The following RBX1 variants were observed in gnomAD, a reference collection of about 807,000 sequenced individuals.
RBX1 encodes E3 ubiquitin-protein ligase RBX1.
For missense variants in RBX1, 46 were observed against 141.4 expected, an observed-to-expected ratio of 0.33 and a Z score of 3.42; for synonymous variants, 48 against 47.9, an observed-to-expected ratio of 1.00 and a Z score of -0.01.
chr22:40,963,065 C>A (rs997602102), intron 2 of RBX1, among the ~76,000 whole-genome samples: 19 of 150,838 alleles, frequency 1.3e-4, no homozygotes, highest in African/African-American at 4.4e-4. Context: ...TAGTCTTGAA[C>A]TCCTGACCTC....
intron 4 of RBX1, among the ~76,000 whole-genome samples, chr22:40,969,882 C>T (rs375930250): frequency 4.0e-5 from 6 of 148,714 alleles, no homozygotes; most frequent in African/African-American, 1.5e-4. Flanking sequence ...GAGTGAGACC[C>T]TATCTCAAAA....
chr22:40,968,874 A>G (rs1166284383), intron 4 of RBX1, among the ~76,000 whole-genome samples: 2 of 145,332 alleles, frequency 1.4e-5, no homozygotes, highest in African/African-American at 2.6e-5. Flanking sequence ...CATTTTGTAC[A>G]TTTTGGAGAT....
At chr22:40,967,767 T>G (rs2058358121) in intron 3 of RBX1, 32 bp from the exon 4 acceptor site, 1 of 1,585,912 alleles carries the variant, frequency 6.3e-7, no homozygotes, top group African/African-American at 1.4e-5. Context: ...CTGCATAGAG[T>G]TATTTTTAAT....
intron 3 of RBX1, chr22:40,967,065 A>G (rs2058356275): frequency 6.6e-6 from 1 of 152,124 alleles, no homozygotes; most frequent in Non-Finnish European, 1.5e-5. Context: ...TTGATTATGA[A>G]ATAAGCCTTT....
At chr22:40,956,366 CAAT>C (rs1221684640) in intron 2 of RBX1, among the ~76,000 whole-genome samples, 5 of 148,010 alleles carry the variant, frequency 3.4e-5, no homozygotes, top group Non-Finnish European at 6.0e-5. Context: ...CAGGATAAAA[CAAT>C]GAGTGAGATC....
intron 1 of RBX1, among the ~76,000 whole-genome samples, chr22:40,952,858 A>G (rs2058315108): frequency 6.6e-6 from 1 of 151,972 alleles, no homozygotes; most frequent in African/African-American, 2.4e-5. Flanking sequence ...ATCTTAGTTC[A>G]TTCTGTTCTC....
At chr22:40,961,143 A>G (rs965112417) in intron 2 of RBX1, among the ~76,000 whole-genome samples, 2 of 134,424 alleles carry the variant, frequency 1.5e-5, no homozygotes, top group Admixed American at 8.4e-5. Flanking sequence ...GCTGGAGTGC[A>G]GTGGTACGAT....
intron 3 of RBX1, among the ~76,000 whole-genome samples, chr22:40,965,460 AGACGGAGT>A (rs1225905051): frequency 2.2e-5 from 3 of 137,222 alleles, no homozygotes; most frequent in African/African-American, 8.2e-5. Flanking sequence ...TTTTTTTTTG[AGACGGAGT>A]CTCACTATGT....
At chr22:40,967,216 A>G (rs1447169623) in intron 3 of RBX1, 1 of 152,264 alleles carries the variant, frequency 6.6e-6, no homozygotes, top group Non-Finnish European at 1.5e-5. Flanking sequence ...TTGTAATATC[A>G]ATATGTCTGT....
At position 40,972,534 on chromosome 22, in the gene RBX1, A is replaced by G; in HGVS notation, c.*46A>G. 6.6e-7 allele frequency: 1 copy of G among 1,526,656 alleles called. No individual in the cohort carries two copies. Among genetic ancestry groups the G allele is most frequent in the Non-Finnish European group, 9.1e-7 (1 of 1,101,284 alleles). 94.6% of individuals were successfully genotyped at this position (1,526,656 alleles called of 1,614,324 possible). On this transcript the variant is annotated 3_prime_UTR_variant, in exon 5 of 5. Transcript: ENST00000216225. ...GCTTAATTGTTTTGTTATTCATTTAATGACTTTCCCTGCTGTTACCTAATT... is the reference window on the plus strand; with the variant it reads ...GCTTAATTGTTTTGTTATTCATTTAGTGACTTTCCCTGCTGTTACCTAATT...
chr22:40,963,884 G>A (rs1043048895), intron 2 of RBX1, among the ~76,000 whole-genome samples, 163 bp from the exon 3 acceptor site: 4 of 152,304 alleles, frequency 2.6e-5, no homozygotes, highest in Middle Eastern at 3.4e-3. Context: ...ATAGGAAATC[G>A]TCAGAAAGCA....
intron 4 of RBX1, among the ~76,000 whole-genome samples, chr22:40,969,982 G>A (rs1414680755): frequency 6.6e-6 from 1 of 150,716 alleles, no homozygotes; most frequent in Non-Finnish European, 1.5e-5. Context: ...GATCGCTTGA[G>A]CCCAGGAGGC....
rs376617594 is a variant in RBX1 at position 40,951,497 on chromosome 22, T to C, written c.78+21T>C. ...AAAAGGTTGGGTCTCGCCAGCGCCT[T>C]CCTCAGGGAAGCTAGAGAGGCGCGG... is the stretch of plus-strand genomic sequence containing the variant. On this transcript the variant is annotated intron_variant, in intron 1 of 4. Coordinates refer to ENST00000216225, the MANE Select transcript of RBX1 (RefSeq NM_014248.4). 10 of 1,609,856 alleles carry C rather than the reference T, an allele frequency of 6.2e-6. No individual in the cohort carries two copies. In the African/African-American group the frequency reaches 1.3e-4, roughly 21 times the overall value.
intron 3 of RBX1, among the ~76,000 whole-genome samples, chr22:40,965,949 A>G: frequency 6.6e-6 from 1 of 152,166 alleles, no homozygotes; most frequent in Admixed American, 6.6e-5. Flanking sequence ...ACATCCCCTT[A>G]AATTTGGCTA....
At chr22:40,951,918 C>T (rs919874063) in intron 1 of RBX1, among the ~76,000 whole-genome samples, 2 of 152,024 alleles carry the variant, frequency 1.3e-5, no homozygotes, top group African/African-American at 4.8e-5. Flanking sequence ...CTCTGAGGAC[C>T]CCCCTTGGTG....
chr22:40,964,109 G>A lies in RBX1; in HGVS notation c.220G>A (p.Val74Ile), dbSNP rs746102587. 1 of 1,612,680 alleles carries A rather than the reference G, an allele frequency of 6.2e-7. No individual in the cohort carries two copies. Among genetic ancestry groups the A allele is most frequent in the Non-Finnish European group, 8.5e-7 (1 of 1,178,680 alleles). ...TSEECTVAWGVCNHAFHFHCI... is the reference protein window; with the variant it reads ...TSEECTVAWGICNHAFHFHCI... ...AGAAGAGTGTACTGTCGCATGGGGAGTCTGTAACGTAAGGAAGCATCTTTA... is the reference window on the plus strand; with the variant it reads ...AGAAGAGTGTACTGTCGCATGGGGAATCTGTAACGTAAGGAAGCATCTTTA... Residue 74 changes from valine (V) to isoleucine (I), a missense_variant, in exon 3 of 5, where the codon GTC becomes ATC. Coordinates refer to ENST00000216225, the MANE Select transcript of RBX1 (RefSeq NM_014248.4).
chr22:40,964,185 C>G, intron 3 of RBX1, 68 bp downstream of exon 3: 1 of 1,251,838 alleles, frequency 8.0e-7, no homozygotes, highest in Non-Finnish European at 1.2e-6. Context: ...CTTTGCTAGT[C>G]TTGAAAATAA....
chr22:40,951,519 G>A, intron 1 of RBX1, 43 bp downstream of exon 1: 13 of 1,588,900 alleles, frequency 8.2e-6, no homozygotes, highest in Non-Finnish European at 1.1e-5. Context: ...CTAGAGAGGC[G>A]CGGATCTGGC....
intron 2 of RBX1, among the ~76,000 whole-genome samples, chr22:40,955,605 A>G: frequency 6.6e-6 from 1 of 152,246 alleles, no homozygotes; most frequent in East Asian, 1.9e-4. Flanking sequence ...GATTCAGACT[A>G]GCCACATTTC....
Sources: allele counts gnomAD v4.1 joint callset (sites outside exome capture counted in the v4.1 genomes callset), GRCh38; gene constraint gnomAD v4.1.1; transcripts MANE v1.5; gene names NCBI Gene and HGNC (gene_info 2026-07-23, HGNC 2026-07-21).